Variants in ADAM20 observed in about 807,000 individuals in gnomAD.
ADAM20 encodes the protein ADAM metallopeptidase domain 20, also known as disintegrin and metalloproteinase domain-containing protein 20.
For missense variants in ADAM20, 871 were observed against 883.2 expected (o/e 0.99, Z 0.18); for synonymous variants, 305 against 310.2 (o/e 0.98, Z 0.18).
chr14:70,554,470 T>C, the ADAM20 span, among the ~76,000 whole-genome samples: 6 of 152,216 alleles, frequency 3.9e-5, no homozygotes, highest in South Asian at 4.1e-4. Flanking sequence ...ATAGCTAAGA[T>C]ATGGAAACAA....
chr14:70,574,031 A>G, the ADAM20 span, among the ~76,000 whole-genome samples: 162 of 152,372 alleles, frequency 1.1e-3, no homozygotes, highest in Non-Finnish European at 1.6e-3. Flanking sequence ...CTAACAGATT[A>G]TATACAGAAC....
chr14:70,535,617 A>T (rs145840677), upstream of ADAM20, among the ~76,000 whole-genome samples: 163 of 152,146 alleles, frequency 1.1e-3, no homozygotes, highest in African/African-American at 3.7e-3. Context: ...GGATGCCTAG[A>T]CTCCTCAAGA....
At chr14:70,531,939 G>A (rs1158480982) in intron 1 of ADAM20, among the ~76,000 whole-genome samples, 2 of 152,054 alleles carry the variant, frequency 1.3e-5, no homozygotes, top group African/African-American at 4.8e-5. Context: ...GCAATCTACA[G>A]ATTCAATAGA....
In ADAM20 at chr14:70,524,388, C is replaced by G. The variant is rs575058707; in HGVS notation, c.370G>C (p.Ala124Pro). The G allele has an allele frequency of 5.0e-5, 80 of 1,613,944 alleles. 1 individual carries two copies. In the South Asian group the frequency reaches 8.1e-4, roughly 16 times the overall value. ...YVEGVPESLV[A>P]LSTCSGGFLG... ...AAGCCCCCAGAACAGGTACTAAGGGCAACCAAGGACTCAGGGACCCCCTCC... is the reference window on the plus strand; with the variant it reads ...AAGCCCCCAGAACAGGTACTAAGGGGAACCAAGGACTCAGGGACCCCCTCC... The change falls in exon 2 of 2, where the codon GCC becomes CCC. Residue 124 changes from alanine (A) to proline (P), a missense_variant. Transcript: ENST00000256389.
rs1473357924 is a variant in ADAM20, at chr14:70,523,137, A to G, written c.1621T>C (p.Phe541Leu). The change falls in exon 2 of 2, where the codon TTC (phenylalanine) becomes CTC (leucine). Residue 541 changes from phenylalanine to leucine, a missense_variant. Coordinates refer to ENST00000256389, the MANE Select transcript of ADAM20 (RefSeq NM_003814.5). ...YQEINTQGNR[F>L]GHCGIVGTTY... ...GTGCCTACAATACCACAGTGACCGA[A>G]ACGGTTTCCTTGGGTGTTGATTTCT... 1.2e-6 allele frequency: 2 copies of G among 1,613,848 alleles called. No homozygotes were observed. Among genetic ancestry groups the G allele is most frequent in the East Asian group, 4.5e-5 (2 of 44,892 alleles).
chr14:70,541,286 C>T, the ADAM20 span, among the ~76,000 whole-genome samples: 1 of 152,240 alleles, frequency 6.6e-6, no homozygotes, highest in Non-Finnish European at 1.5e-5. Flanking sequence ...TTATAAAATG[C>T]CACTAATAAG....
chr14:70,541,525 A>G, the ADAM20 span, among the ~76,000 whole-genome samples: 1 of 152,242 alleles, frequency 6.6e-6, no homozygotes, highest in Admixed American at 6.5e-5. Flanking sequence ...CAGGGTTAAA[A>G]AAAGGTCTAT....
At chr14:70,565,374 A>G in the ADAM20 span, among the ~76,000 whole-genome samples, 3 of 152,180 alleles carry the variant, frequency 2.0e-5, no homozygotes, top group African/African-American at 7.2e-5. Context: ...AAATGACTCA[A>G]TAATTCCCAA....
At chr14:70,525,145 A>G (rs1057360128) in intron 1 of ADAM20, among the ~76,000 whole-genome samples, 3 of 152,224 alleles carry the variant, frequency 2.0e-5, no homozygotes, top group African/African-American at 4.8e-5. Flanking sequence ...AAGATTCATT[A>G]TATACTGTTC....
the ADAM20 span, among the ~76,000 whole-genome samples, chr14:70,569,422 C>T: frequency 7.2e-5 from 11 of 152,068 alleles, no homozygotes; most frequent in Non-Finnish European, 1.3e-4. Flanking sequence ...CCTCACATAT[C>T]GATATTAGTC....
rs559591339 is a variant in ADAM20, at chr14:70,527,439, C to A, written c.-176-2506G>T. Among the ~76,000 whole-genome samples, 4 of 152,222 alleles carry A rather than the reference C, an allele frequency of 2.6e-5. No individual in the cohort carries two copies. In the South Asian group the frequency reaches 8.3e-4, roughly 32 times the overall value. ...ATGAACATACTCAAATCTCTACTAA[C>A]CTTAAAATATTTATCTTCCTTTATT... is the stretch of plus-strand genomic sequence containing the variant. On this transcript the variant is annotated intron_variant, in intron 1 of 1. Transcript: ENST00000256389.
chr14:70,561,535 G>T, the ADAM20 span, among the ~76,000 whole-genome samples: 3 of 152,250 alleles, frequency 2.0e-5, no homozygotes, highest in Non-Finnish European at 4.4e-5. Flanking sequence ...AGACAATGGG[G>T]AAAATGTCTG....
the ADAM20 span, among the ~76,000 whole-genome samples, chr14:70,561,028 A>G: frequency 6.6e-6 from 1 of 152,200 alleles, no homozygotes; most frequent in Non-Finnish European, 1.5e-5. Context: ...GGCTCAGAAG[A>G]AGACAGGAAG....
the ADAM20 span, among the ~76,000 whole-genome samples, chr14:70,577,748 C>T: frequency 6.6e-6 from 1 of 152,092 alleles, no homozygotes; most frequent in African/African-American, 2.4e-5. Flanking sequence ...CAAGGTCAAT[C>T]GTTTTTGACA....
At chr14:70,541,083 G>A in the ADAM20 span, among the ~76,000 whole-genome samples, 13 of 152,130 alleles carry the variant, frequency 8.5e-5, no homozygotes, top group Middle Eastern at 3.4e-3. Flanking sequence ...GCGCCACCAC[G>A]CCCAGGCAAA....
chr14:70,538,465 T>C (rs769398367), upstream of ADAM20, among the ~76,000 whole-genome samples: 9 of 152,228 alleles, frequency 5.9e-5, no homozygotes, highest in Non-Finnish European at 8.8e-5. Flanking sequence ...TTAATTAAAA[T>C]GAATATCCAA....
the ADAM20 span, among the ~76,000 whole-genome samples, chr14:70,542,771 T>G: frequency 1.3e-5 from 2 of 152,138 alleles, no homozygotes; most frequent in East Asian, 1.9e-4. Context: ...AAACCCTGTC[T>G]CTACTAGAAA....
chr14:70,536,167 C>T (rs374196717), upstream of ADAM20, among the ~76,000 whole-genome samples: 2 of 151,782 alleles, frequency 1.3e-5, no homozygotes, highest in African/African-American at 2.4e-5. Context: ...TCAGCAAATC[C>T]TAAAAATAAG....
chr14:70,562,236 T>C, the ADAM20 span, among the ~76,000 whole-genome samples: 1 of 152,240 alleles, frequency 6.6e-6, no homozygotes, highest in African/African-American at 2.4e-5. Context: ...CTTTAAGATT[T>C]AATGACTGCC....
Sources: allele counts gnomAD v4.1 joint callset (sites outside exome capture counted in the v4.1 genomes callset), GRCh38; gene constraint gnomAD v4.1.1; transcripts MANE v1.5; gene names NCBI Gene and HGNC (gene_info 2026-07-23, HGNC 2026-07-21).